The following RUFY4 variants were observed in gnomAD, a reference collection of about 807,000 sequenced individuals.
RUFY4 encodes the protein RUN and FYVE domain containing 4.
RUFY4 carries 73 observed loss-of-function variants against 69.0 expected under a neutral mutation model. The ratio of observed to expected loss-of-function variants is 1.06; its 90% CI spans 0.88 to 1.29. The LOEUF (loss-of-function observed/expected upper bound fraction) is 1.29, where lower values mean the gene tolerates loss of function less well. RUFY4 is among the 50% of genes most tolerant of loss of function. The probability of loss-of-function intolerance (pLI) is 0.00; values close to 1 mark genes in which losing one functional copy is unlikely to be tolerated. For missense variants in RUFY4, 770 were observed against 705.6 expected, an observed-to-expected ratio of 1.09 and a Z score of -1.03; for synonymous variants, 287 against 271.8, an observed-to-expected ratio of 1.06 and a Z score of -0.55.
At chr2:218,052,282 G>C (rs1688960377) in intron 2 of RUFY4, among the ~76,000 whole-genome samples, 1 of 152,178 alleles carries the variant, frequency 6.6e-6, no homozygotes, top group African/African-American at 2.4e-5. Context: ...GTCCTCCAGT[G>C]TAAGTCGACT....
exon 8 of RUFY4, chr2:218,076,497 A>G: frequency 6.4e-7 from 1 of 1,550,988 alleles, no homozygotes; most frequent in Non-Finnish European, 8.7e-7. Context: ...AGGGAGCAGG[A>G]GGGGGAGCTG....
intron 2 of RUFY4, among the ~76,000 whole-genome samples, chr2:218,047,656 A>G (rs543078239): frequency 3.3e-5 from 5 of 152,274 alleles, no homozygotes; most frequent in Non-Finnish European, 4.4e-5. Flanking sequence ...AGTAGCCTTA[A>G]TATCTAGCGA....
At chr2:218,058,410 G>A (rs1689111202) in intron 2 of RUFY4, among the ~76,000 whole-genome samples, 1 of 152,184 alleles carries the variant, frequency 6.6e-6, no homozygotes, top group Non-Finnish European at 1.5e-5. Flanking sequence ...CATTATCAGT[G>A]CCTTCAAAAG....
At chr2:218,060,847 C>T (rs1453181489) in intron 3 of RUFY4, 4 of 1,532,760 alleles carry the variant, frequency 2.6e-6, no homozygotes, top group African/African-American at 1.4e-5. Context: ...ACTGGGCTAA[C>T]ATTGGATGGG....
intron 2 of RUFY4, among the ~76,000 whole-genome samples, chr2:218,056,289 T>G (rs1049608929): frequency 1.3e-5 from 2 of 148,800 alleles, no homozygotes; most frequent in African/African-American, 4.9e-5. Context: ...TGTCTAATCT[T>G]TGCAAAGCCA....
intron 10 of RUFY4, 56 bp downstream of exon 12, chr2:218,089,418 A>T: frequency 6.8e-7 from 1 of 1,475,368 alleles, no homozygotes; most frequent in Non-Finnish European, 9.4e-7. Context: ...CCACCAGCTG[A>T]CAGCCCCCAC....
chr2:218,075,281 G>A (rs55688870), exon 7 of RUFY4: 1 of 1,597,234 alleles, frequency 6.3e-7, no homozygotes, highest in Admixed American at 1.8e-5. Flanking sequence ...GGTACCCCCA[G>A]AGCATGTGGG....
At chr2:218,076,866 T>C (rs1689646898) in intron 8 of RUFY4, among the ~76,000 whole-genome samples, 1 of 152,188 alleles carries the variant, frequency 6.6e-6, no homozygotes, top group Non-Finnish European at 1.5e-5. Flanking sequence ...CCTCTCTGCC[T>C]CCCTACTCCA....
intron 2 of RUFY4, among the ~76,000 whole-genome samples, chr2:218,043,377 T>C (rs1688746596): frequency 6.6e-6 from 1 of 152,000 alleles, no homozygotes; most frequent in Non-Finnish European, 1.5e-5. Context: ...AAGGAGGCCC[T>C]GGAGAAGGTA....
intron 3 of RUFY4, chr2:218,059,938 C>T (rs142072575): frequency 7.0e-5 from 12 of 171,274 alleles, no homozygotes; most frequent in Non-Finnish European, 1.6e-4. Context: ...TACATTCCCG[C>T]TCACGATGCC....
chr2:218,079,724 G>A (rs571938240), intron 8 of RUFY4, among the ~76,000 whole-genome samples: 10 of 152,298 alleles, frequency 6.6e-5, no homozygotes, highest in Admixed American at 3.3e-4. Context: ...AAAGGAGCCC[G>A]TGGGCATCAA....
rs761333887 is a variant in RUFY4 at position 218,076,689 on chromosome 2, C to T, written c.1355+156C>T. 7.9e-5 allele frequency among the ~76,000 whole-genome samples: 12 copies of T among 152,320 alleles called. No individual in the cohort carries two copies. In the South Asian group the frequency reaches 2.1e-3, roughly 26 times the overall value. ...GATCTGAGGCCTGCAGGGCATTGCT[C>T]CTGATCCCAGGGCTCCACCCTCCCT... On this transcript the variant is annotated intron_variant, in intron 8 of 10. Coordinates refer to ENST00000344321, the Ensembl canonical transcript of RUFY4.
exon 11 of RUFY4, chr2:218,090,434 G>C (rs759957577): frequency 2.1e-5 from 5 of 233,012 alleles, no homozygotes; most frequent in Non-Finnish European, 4.4e-5. Context: ...CACCTTTCCT[G>C]ATTCACGAGA....
intron 3 of RUFY4, chr2:218,060,786 C>T (rs756035484): frequency 1.6e-5 from 25 of 1,577,502 alleles, no homozygotes; most frequent in Non-Finnish European, 1.9e-5. Context: ...GGGCAGGATC[C>T]GTAACAGCAT....
intron 2 of RUFY4, among the ~76,000 whole-genome samples, chr2:218,045,866 G>A (rs1377030903): frequency 1.3e-5 from 2 of 151,246 alleles, no homozygotes; most frequent in Non-Finnish European, 2.9e-5. Context: ...GTGCAGTGGC[G>A]CAATCTCGGC....
At chr2:218,080,057 G>T (rs1450446387) in intron 8 of RUFY4, among the ~76,000 whole-genome samples, 1 of 152,240 alleles carries the variant, frequency 6.6e-6, no homozygotes, top group Non-Finnish European at 1.5e-5. Flanking sequence ...AATATCTAGT[G>T]AGAAGTGCTG....
At chr2:218,060,303 G>T in intron 3 of RUFY4, 1 of 1,498,618 alleles carries the variant, frequency 6.7e-7, no homozygotes, top group South Asian at 1.4e-5. Flanking sequence ...GAAGAGAAGG[G>T]AGGAACCCCA....
chr2:218,077,761 G>C (rs1280475252), intron 8 of RUFY4, among the ~76,000 whole-genome samples: 1 of 152,192 alleles, frequency 6.6e-6, no homozygotes, highest in African/African-American at 2.4e-5. Flanking sequence ...AGAGGCCCAG[G>C]AGCCCAGAAA....
At chr2:218,083,684 G>C (rs1311510636) in intron 9 of RUFY4, among the ~76,000 whole-genome samples, 1 of 151,850 alleles carries the variant, frequency 6.6e-6, no homozygotes, top group Non-Finnish European at 1.5e-5. Context: ...GGAGGCAGAG[G>C]TTGCAGTGAG....
Sources: gnomAD v4.1 joint callset for allele counts (sites outside exome capture counted in the v4.1 genomes callset) on GRCh38, gnomAD v4.1.1 for gene constraint, MANE v1.5 for transcripts, NCBI Gene and HGNC (gene_info 2026-07-23, HGNC 2026-07-21) for gene names.